NBAS: variants seen among roughly 807,000 people sequenced by gnomAD.
NBAS encodes the protein NBAS subunit of NRZ tethering complex.
In NBAS, 219 loss-of-function variants were observed where a neutral mutation model predicts 302.5. The observed-to-expected ratio is 0.72, with a 90% CI of 0.65 to 0.81. The LOEUF (loss-of-function observed/expected upper bound fraction) is 0.81. Ranked by LOEUF, NBAS falls within the 30% of genes least tolerant of loss-of-function variation. The pLI, the probability that NBAS is intolerant of heterozygous loss-of-function variation, is 0.00. For missense variants in NBAS, 2,932 were observed against 2,841.6 expected (o/e 1.03, Z -0.72); for synonymous variants, 1,118 against 1,021.6 (o/e 1.09, Z -1.80).
chr2:15,002,484 C>T, the NBAS span, among the ~76,000 whole-genome samples: 8 of 152,188 alleles, frequency 5.3e-5, no homozygotes, highest in African/African-American at 1.7e-4. Flanking sequence ...CAGTGGATCC[C>T]GCACCGGGAC....
intron 25 of NBAS, among the ~76,000 whole-genome samples, chr2:15,414,707 G>A (rs1008273006): frequency 1.3e-5 from 2 of 152,304 alleles, no homozygotes; most frequent in South Asian, 4.1e-4. Flanking sequence ...CACTTTAGGA[G>A]GCCGAGGCAG....
chr2:15,328,644 A>C (rs1227999270), intron 36 of NBAS, among the ~76,000 whole-genome samples: 1 of 152,216 alleles, frequency 6.6e-6, no homozygotes, highest in African/African-American at 2.4e-5. Context: ...TTTATACTAC[A>C]GTCAGAATAA....
chr2:15,166,848 A>G (rs995337887), downstream of NBAS: 16 of 569,412 alleles, frequency 2.8e-5, no homozygotes, highest in South Asian at 1.6e-4. Context: ...CTCTTAATCA[A>G]TAAGAAAATA....
the NBAS span, among the ~76,000 whole-genome samples, chr2:14,956,524 C>G: frequency 1.3e-5 from 2 of 152,084 alleles, no homozygotes; most frequent in Admixed American, 1.3e-4. Context: ...AAGGACATAC[C>G]CAAGACTGGG....
chr2:15,267,403 A>G (rs1439944673), intron 44 of NBAS, among the ~76,000 whole-genome samples: 1 of 152,252 alleles, frequency 6.6e-6, no homozygotes, highest in Non-Finnish European at 1.5e-5. Flanking sequence ...TCAAAAAAAA[A>G]GTTTGAATAA....
At chr2:14,963,151 C>T in the NBAS span, among the ~76,000 whole-genome samples, 1 of 151,824 alleles carries the variant, frequency 6.6e-6, no homozygotes, top group Non-Finnish European at 1.5e-5. Flanking sequence ...GCCTGTAATC[C>T]CAGCTACTCA....
chr2:15,089,655 T>C, the NBAS span, among the ~76,000 whole-genome samples: 1 of 152,020 alleles, frequency 6.6e-6, no homozygotes, highest in African/African-American at 2.4e-5. Flanking sequence ...CTGCCCAGTG[T>C]TGTCAGGAAT....
the NBAS span, among the ~76,000 whole-genome samples, chr2:15,106,105 A>G: frequency 6.6e-6 from 1 of 152,174 alleles, no homozygotes; most frequent in Admixed American, 6.6e-5. Context: ...CCCAATGCAC[A>G]AAATATTAAC....
the NBAS span, among the ~76,000 whole-genome samples, chr2:14,924,166 T>C: frequency 6.6e-6 from 1 of 152,238 alleles, no homozygotes; most frequent in Non-Finnish European, 1.5e-5. Context: ...TTTTGAATGA[T>C]ACAAACTAAA....
At chr2:15,211,857 G>A (rs769753262) in intron 48 of NBAS, among the ~76,000 whole-genome samples, 3 of 152,194 alleles carry the variant, frequency 2.0e-5, no homozygotes, top group Non-Finnish European at 4.4e-5. Context: ...TTAAGGCCAT[G>A]AAGAAAGGAT....
At chr2:14,910,391 A>T in the NBAS span, among the ~76,000 whole-genome samples, 2 of 152,188 alleles carry the variant, frequency 1.3e-5, no homozygotes, top group Non-Finnish European at 2.9e-5. Context: ...GCACTACCCT[A>T]AGCTTTCATC....
At chr2:15,198,391 T>G (rs1665715691) in intron 48 of NBAS, among the ~76,000 whole-genome samples, 1 of 151,922 alleles carries the variant, frequency 6.6e-6, no homozygotes, top group Admixed American at 6.6e-5. Context: ...TAACTCGAGA[T>G]CAGGAAGGGG....
the NBAS span, among the ~76,000 whole-genome samples, chr2:15,035,748 C>A: frequency 2.6e-5 from 4 of 152,294 alleles, no homozygotes; most frequent in African/African-American, 9.6e-5. Flanking sequence ...AACAGAAAAT[C>A]AAACATCACA....
chr2:15,259,700 T>C (rs1052180421), intron 44 of NBAS, among the ~76,000 whole-genome samples: 4 of 152,214 alleles, frequency 2.6e-5, no homozygotes, highest in African/African-American at 9.6e-5. Context: ...AACTACCTGC[T>C]GTCATAAAGA....
chr2:15,067,331 T>A, the NBAS span, among the ~76,000 whole-genome samples: 97 of 135,914 alleles, frequency 7.1e-4, 2 homozygotes, highest in Non-Finnish European at 1.1e-3. Context: ...GGTGACAGAG[T>A]GAAACTCTGT....
intron 11 of NBAS, among the ~76,000 whole-genome samples, chr2:15,497,178 T>C (rs568290822): frequency 3.3e-5 from 5 of 152,302 alleles, no homozygotes; most frequent in Middle Eastern, 3.4e-3. Context: ...TTATGTAATG[T>C]CTTTTTGGAT....
intron 21 of NBAS, among the ~76,000 whole-genome samples, chr2:15,439,483 A>T (rs993932005): frequency 3.6e-5 from 5 of 140,306 alleles, no homozygotes; most frequent in African/African-American, 1.1e-4. Flanking sequence ...GGGATAAATT[A>T]AAAAAAAAAA....
the NBAS span, among the ~76,000 whole-genome samples, chr2:15,059,625 C>A: frequency 2.0e-5 from 3 of 152,106 alleles, no homozygotes; most frequent in Non-Finnish European, 4.4e-5. Flanking sequence ...CTGATTAGAT[C>A]CCACCTGGGG....
At chr2:15,371,590 A>G (rs1414185823) in intron 31 of NBAS, among the ~76,000 whole-genome samples, 2 of 152,218 alleles carry the variant, frequency 1.3e-5, no homozygotes, top group Admixed American at 1.3e-4. Flanking sequence ...CTGTTGCCAC[A>G]GGTTACACAG....
Sources: allele counts gnomAD v4.1 joint callset (sites outside exome capture counted in the v4.1 genomes callset), GRCh38; gene constraint gnomAD v4.1.1; transcripts MANE v1.5; gene names NCBI Gene and HGNC (gene_info 2026-07-23, HGNC 2026-07-21).